The following SH3RF3 variants were observed in gnomAD, a reference collection of about 807,000 sequenced individuals.
The protein encoded by SH3RF3 is SH3 domain containing ring finger 3.
Under a neutral mutation model 66.3 loss-of-function variants are expected in SH3RF3, and 29 were observed. The observed-to-expected ratio is 0.44, with a 90% CI of 0.33 to 0.60. The LOEUF (loss-of-function observed/expected upper bound fraction) is 0.60, where lower values mean the gene tolerates loss of function less well. Among genes scored for constraint, SH3RF3 ranks in the 20% least tolerant of loss-of-function variants. The pLI, the probability that SH3RF3 is intolerant of heterozygous loss-of-function variation, is 0.04. For missense variants in SH3RF3, 1,194 were observed against 1,190.9 expected, an observed-to-expected ratio of 1.00 and a Z score of -0.04; for synonymous variants, 583 against 532.0, an observed-to-expected ratio of 1.10 and a Z score of -1.32.
chr2:109,353,304 C>T (rs1042710068), intron 2 of SH3RF3, among the ~76,000 whole-genome samples: 3 of 152,206 alleles, frequency 2.0e-5, no homozygotes, highest in African/African-American at 7.2e-5. Flanking sequence ...CCTTCCTTAG[C>T]CTGGGTGCCC....
intron 1 of SH3RF3, among the ~76,000 whole-genome samples, chr2:109,325,528 C>G (rs1173232400): frequency 6.6e-6 from 1 of 151,768 alleles, no homozygotes; most frequent in African/African-American, 2.4e-5. Context: ...TCTTGGTTCC[C>G]CGCTTCCCCC....
At chr2:109,429,087 C>T (rs113920418) in intron 5 of SH3RF3, among the ~76,000 whole-genome samples, 32 of 152,208 alleles carry the variant, frequency 2.1e-4, no homozygotes, top group Non-Finnish European at 3.2e-4. Context: ...CAGGGGGCAG[C>T]GGCAGAGACC....
intron 1 of SH3RF3, among the ~76,000 whole-genome samples, chr2:109,246,268 A>T: frequency 6.6e-6 from 1 of 152,248 alleles, no homozygotes; most frequent in Non-Finnish European, 1.5e-5. Context: ...CTGGTCGTCC[A>T]AGATCAAGGC....
In SH3RF3 at chr2:109,354,830, A is replaced by G. The variant is rs376393803; in HGVS notation, c.849+6881A>G. Among the ~76,000 whole-genome samples the G allele has an allele frequency of 2.0e-5, 3 of 152,382 alleles. No homozygotes were observed. The East Asian group carries it at 5.8e-4, about 29-fold the overall frequency. ...AAACACAGACTTTGGAAGAGCTAGTAAATGAGTTTAAAATGCACTTTAAAG... is the reference window on the plus strand; with the variant it reads ...AAACACAGACTTTGGAAGAGCTAGTGAATGAGTTTAAAATGCACTTTAAAG... On this transcript the variant is annotated intron_variant, in intron 2 of 9. Coordinates refer to ENST00000309415, the MANE Select transcript of SH3RF3 (RefSeq NM_001099289.3).
At chr2:109,157,865 G>T (rs950758423) in intron 1 of SH3RF3, among the ~76,000 whole-genome samples, 1 of 152,084 alleles carries the variant, frequency 6.6e-6, no homozygotes, top group Non-Finnish European at 1.5e-5. Flanking sequence ...AGGCCACACA[G>T]CTCTCCTAGG....
chr2:109,186,922 G>A (rs1324717995), intron 1 of SH3RF3, among the ~76,000 whole-genome samples: 5 of 152,176 alleles, frequency 3.3e-5, no homozygotes, highest in Non-Finnish European at 4.4e-5. Context: ...GCAAAAAAGC[G>A]TGCTAGAACT....
Position 109,267,789 on chromosome 2 carries a change from C to T in SH3RF3, c.574-79885C>T, listed in dbSNP as rs568570718. ...TCTGCGTCTGTCCCTGGAGCGAGGC[C>T]GAGTCAAGCCCTGTTGGGGAGGGAG... is the stretch of plus-strand genomic sequence containing the variant. On this transcript the variant is annotated intron_variant, in intron 1 of 9. Transcript: ENST00000309415. Among the ~76,000 whole-genome samples, 398 of 152,318 alleles carry T rather than the reference C, an allele frequency of 2.6e-3. 3 individuals carry two copies. Among genetic ancestry groups the T allele is most frequent in the African/African-American group, 3.8e-3 (156 of 41,578 alleles).
At chr2:109,440,076 C>G (rs1677519279) in intron 7 of SH3RF3, among the ~76,000 whole-genome samples, 1 of 152,208 alleles carries the variant, frequency 6.6e-6, no homozygotes, top group South Asian at 2.1e-4. Context: ...GAGGAACCAG[C>G]ATGAGCAATG....
At chr2:109,318,568 C>T (rs1313110694) in intron 1 of SH3RF3, among the ~76,000 whole-genome samples, 1 of 152,176 alleles carries the variant, frequency 6.6e-6, no homozygotes, top group Non-Finnish European at 1.5e-5. Flanking sequence ...TGTGTTGGTT[C>T]AAAGTCATGT....
chr2:109,500,465 A>T (rs763813905), intron 9 of SH3RF3, among the ~76,000 whole-genome samples: 33 of 152,128 alleles, frequency 2.2e-4, no homozygotes, highest in Non-Finnish European at 3.5e-4. Flanking sequence ...CCTGTCTCTG[A>T]TTCCACACTA....
At chr2:109,244,160 T>C (rs1448996676) in intron 1 of SH3RF3, among the ~76,000 whole-genome samples, 1 of 152,240 alleles carries the variant, frequency 6.6e-6, no homozygotes, top group Non-Finnish European at 1.5e-5. Context: ...TTTTTTGTAC[T>C]GTTTGAAGGA....
At position 109,432,505 on chromosome 2, in the gene SH3RF3, C is replaced by T. The variant is rs768345915; in HGVS notation, c.1408C>T (p.Leu470=). The change falls in exon 6 of 10, where the codon CTG becomes TTG. Residue 470 remains leucine, a synonymous_variant. Coordinates refer to ENST00000309415, the MANE Select transcript of SH3RF3 (RefSeq NM_001099289.3). The stretch of plus-strand genomic sequence containing the variant: ...GGCCCCATGCTTTGCCCGCAGGTAC[C>T]TGGCGCTCTACGCCTACAAGCCCCA... ...PKVQLPLNVY[L]ALYAYKPQKS... The T allele has an allele frequency of 6.2e-7, 1 of 1,613,384 alleles. No homozygotes were observed. Among genetic ancestry groups the T allele is most frequent in the South Asian group, 1.1e-5 (1 of 90,874 alleles).
At chr2:109,454,185 G>A (rs1488151725) in intron 8 of SH3RF3, among the ~76,000 whole-genome samples, 1 of 152,138 alleles carries the variant, frequency 6.6e-6, no homozygotes, top group African/African-American at 2.4e-5. Flanking sequence ...AATAAAATAG[G>A]AGGAAATACT....
At chr2:109,257,326 A>G (rs1484375695) in intron 1 of SH3RF3, among the ~76,000 whole-genome samples, 2 of 151,238 alleles carry the variant, frequency 1.3e-5, no homozygotes, top group African/African-American at 4.9e-5. Context: ...GGGAAGGAGG[A>G]ATGAAGGAAA....
intron 7 of SH3RF3, among the ~76,000 whole-genome samples, chr2:109,446,239 A>G (rs769605487): frequency 6.6e-6 from 1 of 152,144 alleles, no homozygotes; most frequent in Non-Finnish European, 1.5e-5. Context: ...CAGTGGTTCC[A>G]TTCTGTGAAA....
At chr2:109,465,007 AC>A (rs966918264) in intron 8 of SH3RF3, among the ~76,000 whole-genome samples, 9 of 152,200 alleles carry the variant, frequency 5.9e-5, no homozygotes, top group Admixed American at 5.9e-4. Context: ...GCAACCACTG[AC>A]CTTTTTACTG....
chr2:109,438,069 A>G (rs1403785688), intron 7 of SH3RF3, among the ~76,000 whole-genome samples: 1 of 152,226 alleles, frequency 6.6e-6, no homozygotes, highest in Non-Finnish European at 1.5e-5. Flanking sequence ...AATAAAATAT[A>G]CTATTTCTTA....
chr2:109,469,021 A>G (rs1165764249), intron 8 of SH3RF3, among the ~76,000 whole-genome samples: 1 of 150,934 alleles, frequency 6.6e-6, no homozygotes, highest in Admixed American at 6.7e-5. Flanking sequence ...TCCAGCCACC[A>G]GTCTTGGCTC....
intron 2 of SH3RF3, among the ~76,000 whole-genome samples, chr2:109,358,027 A>G (rs760433391): frequency 3.3e-5 from 5 of 152,146 alleles, no homozygotes; most frequent in African/African-American, 4.8e-5. Context: ...ACTGCCCTGA[A>G]AATCCTCTGA....
Sources: allele counts gnomAD v4.1 joint callset (sites outside exome capture counted in the v4.1 genomes callset), GRCh38; gene constraint gnomAD v4.1.1; transcripts MANE v1.5; gene names NCBI Gene and HGNC (gene_info 2026-07-23, HGNC 2026-07-21).